PIBF1: variants seen among roughly 807,000 people sequenced by gnomAD.
PIBF1 encodes progesterone immunomodulatory binding factor 1.
In PIBF1, 90 loss-of-function variants were observed where a neutral mutation model predicts 112.5. That is an observed-to-expected ratio of 0.80 (90% CI 0.67 to 0.95). PIBF1 has a LOEUF of 0.95. PIBF1 is among the 40% of genes least tolerant of loss of function. The pLI is 0.00. For missense variants in PIBF1, 915 were observed against 852.3 expected (o/e 1.07, Z -0.92); for synonymous variants, 301 against 288.6 (o/e 1.04, Z -0.44).
At chr13:72,812,200 C>T (rs1397294301) in intron 5 of PIBF1, among the ~76,000 whole-genome samples, 1 of 152,148 alleles carries the variant, frequency 6.6e-6, no homozygotes, top group Non-Finnish European at 1.5e-5. Flanking sequence ...TTCTCTTGAT[C>T]TGCATAGTGT....
chr13:73,000,545 T>A (rs1371262423), intron 17 of PIBF1, among the ~76,000 whole-genome samples: 1 of 152,066 alleles, frequency 6.6e-6, no homozygotes, highest in Admixed American at 6.6e-5. Flanking sequence ...TGGGCAGAGA[T>A]TGTGGCAGAC....
At chr13:72,902,828 T>C (rs1416125328) in intron 11 of PIBF1, among the ~76,000 whole-genome samples, 4 of 152,150 alleles carry the variant, frequency 2.6e-5, no homozygotes, top group Non-Finnish European at 5.9e-5. Flanking sequence ...GAAATTAGTA[T>C]GGTCTTGACT....
intron 6 of PIBF1, 54 bp from the exon 7 acceptor site, chr13:72,826,956 C>A: frequency 2.0e-6 from 2 of 1,006,738 alleles, no homozygotes; most frequent in Non-Finnish European, 2.9e-6. Flanking sequence ...TTAAAGTGTA[C>A]GCTGTACAAG....
At chr13:72,844,758 C>CTGTTT (rs1555296165) in intron 9 of PIBF1, among the ~76,000 whole-genome samples, 1 of 125,740 alleles carries the variant, frequency 8.0e-6, no homozygotes, top group Admixed American at 7.8e-5. Context: ...CACACACACA[C>CTGTTT]ACACACACAC....
chr13:72,802,815 T>C (rs2035547748), intron 5 of PIBF1, among the ~76,000 whole-genome samples: 1 of 151,956 alleles, frequency 6.6e-6, no homozygotes, highest in African/African-American at 2.4e-5. Flanking sequence ...AGAGTGAGTG[T>C]AGGGAAGAGA....
chr13:72,814,303 G>A lies in PIBF1; in HGVS notation c.673-7546G>A, dbSNP rs561995113. ...ATACAAAAATTAGCCGGGCATAGTG[G>A]CAGGCATCTGTAATCCCAGCTACTC... On this transcript the variant is annotated intron_variant, in intron 5 of 17. Transcript: ENST00000326291. Among the ~76,000 whole-genome samples, 24 of 151,996 alleles carry A rather than the reference G, an allele frequency of 1.6e-4. 1 individual carries two copies. In the South Asian group the frequency reaches 5.0e-3, roughly 32 times the overall value.
At chr13:72,917,949 A>G (rs2041157899) in intron 13 of PIBF1, among the ~76,000 whole-genome samples, 2 of 152,206 alleles carry the variant, frequency 1.3e-5, no homozygotes, top group African/African-American at 2.4e-5. Flanking sequence ...TTTGGTATCC[A>G]CAGGAGGTGG....
chr13:72,783,365 C>A, intron 1 of PIBF1, 58 bp from the exon 2 acceptor site: 1 of 781,424 alleles, frequency 1.3e-6, no homozygotes, highest in Non-Finnish European at 2.1e-6. Context: ...TTAATACAGT[C>A]CATGATTTCT....
At chr13:72,838,910 A>G (rs1026501511) in intron 9 of PIBF1, among the ~76,000 whole-genome samples, 1 of 152,214 alleles carries the variant, frequency 6.6e-6, no homozygotes, top group Non-Finnish European at 1.5e-5. Flanking sequence ...GGACAAAATG[A>G]AGCTTTTTGA....
chr13:72,891,020 G>A (rs946161782), intron 10 of PIBF1, among the ~76,000 whole-genome samples: 6 of 152,012 alleles, frequency 3.9e-5, no homozygotes, highest in African/African-American at 1.2e-4. Flanking sequence ...AAATTTTTAG[G>A]AGATAATTCT....
chr13:72,916,917 T>G (rs1022944466), intron 12 of PIBF1, among the ~76,000 whole-genome samples, 159 bp from the exon 13 acceptor site: 3 of 152,154 alleles, frequency 2.0e-5, no homozygotes, highest in Non-Finnish European at 4.4e-5. Context: ...TTAAGAAATA[T>G]GTTTCTACTT....
Position 72,991,196 on chromosome 13 carries a change from A to G in PIBF1, c.2050-7626A>G, listed in dbSNP as rs147865368. On this transcript the variant is annotated intron_variant, in intron 16 of 17. Transcript: ENST00000326291. ...GTTTTAATATGCCACCACTTATGCAAATAGTTAATATTAAATGGCCAAGAT... is the reference window on the plus strand; with the variant it reads ...GTTTTAATATGCCACCACTTATGCAGATAGTTAATATTAAATGGCCAAGAT... Among the ~76,000 whole-genome samples, 538 of 152,348 alleles carry G rather than the reference A, an allele frequency of 3.5e-3. 1 individual carries two copies. The highest frequency in any genetic ancestry group is 0.01 in the African/African-American group (434 of 41,596).
At chr13:72,810,810 C>A (rs2035970075) in intron 5 of PIBF1, among the ~76,000 whole-genome samples, 1 of 151,844 alleles carries the variant, frequency 6.6e-6, no homozygotes, top group Non-Finnish European at 1.5e-5. Context: ...GATTCATAGC[C>A]ACCTGCATGG....
intron 15 of PIBF1, among the ~76,000 whole-genome samples, chr13:72,971,558 A>T (rs2042892109): frequency 6.6e-6 from 1 of 152,044 alleles, no homozygotes; most frequent in East Asian, 1.9e-4. Flanking sequence ...TGAGCTGCTT[A>T]CCTTTATTGG....
intron 10 of PIBF1, among the ~76,000 whole-genome samples, chr13:72,873,398 CTTGT>C (rs2138441193): frequency 6.6e-6 from 1 of 152,058 alleles, no homozygotes; most frequent in Non-Finnish European, 1.5e-5. Context: ...TTAAGAAAAA[CTTGT>C]TTTCTTTTTT....
chr13:72,994,477 C>T (rs547146861), intron 16 of PIBF1, among the ~76,000 whole-genome samples: 1 of 152,298 alleles, frequency 6.6e-6, no homozygotes, highest in East Asian at 1.9e-4. Flanking sequence ...TCCAGTCAAA[C>T]TTAGTACTTA....
At chr13:72,948,050 G>C (rs913861123) in intron 14 of PIBF1, among the ~76,000 whole-genome samples, 1 of 151,924 alleles carries the variant, frequency 6.6e-6, no homozygotes, top group Non-Finnish European at 1.5e-5. Flanking sequence ...GACACAGGGA[G>C]GGGAACATCA....
intron 14 of PIBF1, among the ~76,000 whole-genome samples, chr13:72,951,776 A>G (rs2042302985): frequency 6.6e-6 from 1 of 152,152 alleles, no homozygotes; most frequent in Admixed American, 6.5e-5. Context: ...TGCCCTAAAA[A>G]TCCCGTGTTC....
At position 72,980,523 on chromosome 13, in the gene PIBF1, G is replaced by A. The variant is rs117533549; in HGVS notation, c.2049+6848G>A. On this transcript the variant is annotated intron_variant, in intron 16 of 17. Transcript: ENST00000326291. The stretch of plus-strand genomic sequence containing the variant: ...TAATAAGATGCTAAAGGGCCGGCAC[G>A]GTGGCTCATGCCTGTAATCCCAGCA... 4.4e-3 allele frequency among the ~76,000 whole-genome samples: 668 copies of A among 152,288 alleles called. 1 individual carries two copies. Among genetic ancestry groups the A allele is most frequent in the Middle Eastern group, 0.01 (3 of 294 alleles).
Sources: gnomAD v4.1 joint callset for allele counts (sites outside exome capture counted in the v4.1 genomes callset) on GRCh38, gnomAD v4.1.1 for gene constraint, MANE v1.5 for transcripts, NCBI Gene and HGNC (gene_info 2026-07-23, HGNC 2026-07-21) for gene names.